The following EXOC4 variants were observed in gnomAD, a reference collection of about 807,000 sequenced individuals.
EXOC4 encodes SEC8-like 1.
In EXOC4, 71 loss-of-function variants were observed where a neutral mutation model predicts 107.2. The ratio of observed to expected loss-of-function variants is 0.66; its 90% confidence interval spans 0.55 to 0.81. The LOEUF is 0.81. Among genes scored for constraint, EXOC4 ranks in the 30% least tolerant of loss-of-function variants. The probability of loss-of-function intolerance (pLI) is 0.00; values close to 1 mark genes in which losing one functional copy is unlikely to be tolerated. For missense variants in EXOC4, 1,108 were observed against 1,189.6 expected, an observed-to-expected ratio of 0.93 and a Z score of 1.01; for synonymous variants, 456 against 441.2, an observed-to-expected ratio of 1.03 and a Z score of -0.42.
intron 9 of EXOC4, among the ~76,000 whole-genome samples, chr7:133,486,972 A>G (rs1441438091): frequency 6.6e-6 from 1 of 152,200 alleles, no homozygotes; most frequent in Non-Finnish European, 1.5e-5. Context: ...GATTGTTATC[A>G]AGTGTACTAC....
intron 14 of EXOC4, among the ~76,000 whole-genome samples, chr7:133,979,612 C>T (rs1474725509): frequency 6.6e-6 from 1 of 151,966 alleles, no homozygotes; most frequent in Non-Finnish European, 1.5e-5. Context: ...ATGGCAAAAC[C>T]CTGTCTCTAC....
intron 10 of EXOC4, among the ~76,000 whole-genome samples, chr7:133,734,549 A>G (rs1795399500): frequency 6.7e-6 from 1 of 150,356 alleles, no homozygotes; most frequent in Non-Finnish European, 1.5e-5. Context: ...CGGTTTCTGT[A>G]TGCCTTCCAG....
chr7:133,556,642 A>G (rs540268681), intron 9 of EXOC4, among the ~76,000 whole-genome samples: 1 of 152,330 alleles, frequency 6.6e-6, no homozygotes, highest in South Asian at 2.1e-4. Context: ...TAGTTGCTAG[A>G]GACCTACACA....
At chr7:133,836,870 T>C (rs928605091) in intron 11 of EXOC4, among the ~76,000 whole-genome samples, 1 of 152,142 alleles carries the variant, frequency 6.6e-6, no homozygotes, top group Non-Finnish European at 1.5e-5. Context: ...AATTATATTA[T>C]TCACCCTGGA....
chr7:133,480,222 C>T, intron 9 of EXOC4, 84 bp downstream of exon 9: 1 of 1,566,762 alleles, frequency 6.4e-7, no homozygotes, highest in Non-Finnish European at 8.7e-7. Context: ...CCTGCATTCA[C>T]ACGATCCTTT....
At chr7:133,288,638 C>T (rs1794334841) in intron 2 of EXOC4, among the ~76,000 whole-genome samples, 1 of 152,154 alleles carries the variant, frequency 6.6e-6, no homozygotes, top group South Asian at 2.1e-4. Context: ...TTCATATTTT[C>T]AGAGTGCTTT....
chr7:133,959,906 A>G (rs184514700), intron 14 of EXOC4, among the ~76,000 whole-genome samples: 2 of 152,322 alleles, frequency 1.3e-5, no homozygotes, highest in African/African-American at 4.8e-5. Context: ...ACGTTTTCAG[A>G]CATACAAGTT....
chr7:133,541,373 TG>T (rs1200798694), intron 9 of EXOC4, among the ~76,000 whole-genome samples: 1 of 152,196 alleles, frequency 6.6e-6, no homozygotes, highest in Non-Finnish European at 1.5e-5. Context: ...CTATAGAAAC[TG>T]TTGGCTGTAA....
At chr7:133,720,715 T>C (rs912482282) in intron 10 of EXOC4, among the ~76,000 whole-genome samples, 4 of 152,190 alleles carry the variant, frequency 2.6e-5, no homozygotes, top group Non-Finnish European at 2.9e-5. Context: ...AACCTGCTAT[T>C]GTATTTAGCA....
intron 12 of EXOC4, among the ~76,000 whole-genome samples, chr7:133,902,053 C>G (rs536842589): frequency 6.6e-5 from 10 of 152,324 alleles, no homozygotes; most frequent in African/African-American, 2.2e-4. Context: ...TTCGTGAGAT[C>G]CTCCTAGCTT....
At chr7:133,986,677 A>G (rs1794121548) in intron 14 of EXOC4, among the ~76,000 whole-genome samples, 1 of 152,246 alleles carries the variant, frequency 6.6e-6, no homozygotes, top group South Asian at 2.1e-4. Flanking sequence ...TTTCTTAAAC[A>G]TGTATTTAGT....
intron 10 of EXOC4, among the ~76,000 whole-genome samples, chr7:133,718,050 G>T (rs796645686): frequency 5.3e-5 from 8 of 152,296 alleles, no homozygotes; most frequent in African/African-American, 1.9e-4. Flanking sequence ...TCATTCACTA[G>T]ATTCCATCTA....
In EXOC4 at chr7:134,004,954, G is replaced by A; in HGVS notation, c.2391G>A (p.Gly797=). Residue 797 remains glycine, a synonymous_variant, in exon 16 of 18, where the codon GGG becomes GGA. Transcript: ENST00000253861. ...ATCTTATCCCTCTTGCAAAGGAGGGGAACTATGCCATTGTGGCTAATGTGG... is the reference window on the plus strand; with the variant it reads ...ATCTTATCCCTCTTGCAAAGGAGGGAAACTATGCCATTGTGGCTAATGTGG... The part of the protein sequence containing the change: ...FHYLIPLAKE[G]NYAIVANVES... 1.9e-6 allele frequency: 3 copies of A among 1,613,460 alleles called. No homozygotes were observed. The highest frequency in any genetic ancestry group is 2.5e-6 in the Non-Finnish European group (3 of 1,179,590).
intron 14 of EXOC4, among the ~76,000 whole-genome samples, chr7:133,945,313 C>A (rs961021555): frequency 1.3e-5 from 2 of 152,106 alleles, no homozygotes; most frequent in Non-Finnish European, 2.9e-5. Flanking sequence ...GATTTAGAGC[C>A]CCTAAAAATT....
chr7:133,870,668 C>T (rs528241712), intron 11 of EXOC4, among the ~76,000 whole-genome samples: 1 of 152,150 alleles, frequency 6.6e-6, no homozygotes, highest in Non-Finnish European at 1.5e-5. Flanking sequence ...CACAAGACCT[C>T]GCTTAGAGAG....
chr7:134,074,476 A>G, the EXOC4 span, among the ~76,000 whole-genome samples: 889 of 152,252 alleles, frequency 5.8e-3, 16 homozygotes, highest in African/African-American at 0.02. Context: ...GTTGGCATCA[A>G]TTACTTTCTC....
At chr7:133,841,689 G>A (rs1373246368) in intron 11 of EXOC4, among the ~76,000 whole-genome samples, 1 of 152,078 alleles carries the variant, frequency 6.6e-6, no homozygotes, top group Non-Finnish European at 1.5e-5. Context: ...AGGTTCAGGG[G>A]TACATGTGCA....
chr7:133,843,152 C>T (rs1451936432), intron 11 of EXOC4, among the ~76,000 whole-genome samples: 1 of 151,882 alleles, frequency 6.6e-6, no homozygotes, highest in East Asian at 1.9e-4. Context: ...TATTTGGGCT[C>T]TTTTTTGGTT....
chr7:133,635,302 T>C (rs1802682213), intron 10 of EXOC4, among the ~76,000 whole-genome samples: 2 of 152,308 alleles, frequency 1.3e-5, no homozygotes, highest in African/African-American at 4.8e-5. Flanking sequence ...AATTTGAAAG[T>C]ACTTTGTAGC....
Sources: allele counts gnomAD v4.1 joint callset (sites outside exome capture counted in the v4.1 genomes callset), GRCh38; gene constraint gnomAD v4.1.1; transcripts MANE v1.5; gene names NCBI Gene and HGNC (gene_info 2026-07-23, HGNC 2026-07-21).